The following C4orf50 variants were observed in gnomAD, a reference collection of about 807,000 sequenced individuals.
C4orf50 encodes the protein uncharacterized protein C4orf50.
C4orf50 carries 80 observed loss-of-function variants against 77.2 expected under a neutral mutation model. The observed-to-expected ratio is 1.04, with a 90% CI of 0.87 to 1.25. The LOEUF (loss-of-function observed/expected upper bound fraction) is 1.25. C4orf50 is among the 50% of genes most tolerant of loss of function. C4orf50 has a pLI of 0.00. For missense variants in C4orf50, 1,257 were observed against 1,152.9 expected (o/e 1.09, Z -1.31); for synonymous variants, 532 against 465.3 (o/e 1.14, Z -1.84).
At chr4:5,913,202 C>G (rs1255672804) in intron 7 of C4orf50, among the ~76,000 whole-genome samples, 1 of 152,206 alleles carries the variant, frequency 6.6e-6, no homozygotes, top group Non-Finnish European at 1.5e-5. Flanking sequence ...AGGATGACAA[C>G]GCCTACCTTA....
At chr4:6,016,853 G>T (rs11938196) in intron 23 of C4orf50, among the ~76,000 whole-genome samples, 1,878 of 152,244 alleles carry the variant, frequency 0.012, 47 homozygotes, top group African/African-American at 0.043. Flanking sequence ...ACGTTCAATG[G>T]TCTGCCTTTA....
chr4:5,987,538 T>G (rs1720943078), intron 28 of C4orf50, among the ~76,000 whole-genome samples: 1 of 146,268 alleles, frequency 6.8e-6, no homozygotes, highest in African/African-American at 2.5e-5. Flanking sequence ...GATAACATTG[T>G]TGGGGGTGGG....
In C4orf50 at chr4:5,973,641, C is replaced by G; in HGVS notation, c.4104+18G>C. 6.3e-7 allele frequency: 1 copy of G among 1,596,454 alleles called. No homozygotes were observed. The highest frequency in any genetic ancestry group is 8.6e-7 in the Non-Finnish European group (1 of 1,167,930). ...ACTCCCATAGGAAGCACAGACAGGG[C>G]CATCTCTGGGACTCTACCTCTGGGA... is the stretch of plus-strand genomic sequence containing the variant. On this transcript the variant is annotated intron_variant, in intron 31 of 33. Transcript: ENST00000531445.
Position 5,992,275 on chromosome 4 carries a change from G to A in C4orf50, c.1221+528C>T, listed in dbSNP as rs551966693. Among the ~76,000 whole-genome samples, 4 of 152,300 alleles carry A rather than the reference G, an allele frequency of 2.6e-5. No individual in the cohort carries two copies. The highest frequency in any genetic ancestry group is 7.2e-5 in the African/African-American group (3 of 41,564). On this transcript the variant is annotated intron_variant, in intron 27 of 33. Transcript: ENST00000531445. The surrounding 1 kb of genome is among the most constrained non-coding windows in gnomAD (Gnocchi z 5.0). ...ACCACACAACCACAGCCGGGCTCGC[G>A]GGTCCCAGCACAGCTCTGTTCCTCA... is the stretch of plus-strand genomic sequence containing the variant.
At chr4:5,945,265 A>C (rs1718434372) in intron 7 of C4orf50, among the ~76,000 whole-genome samples, 1 of 152,148 alleles carries the variant, frequency 6.6e-6, no homozygotes, top group Admixed American at 6.5e-5. Flanking sequence ...CACCGGCATG[A>C]CATCTTAATC....
At chr4:5,943,344 G>A (rs571132900) in intron 7 of C4orf50, among the ~76,000 whole-genome samples, 85 of 152,298 alleles carry the variant, frequency 5.6e-4, no homozygotes, top group African/African-American at 1.9e-3. Context: ...AGTTTTCCCA[G>A]GGGTTCACAT....
intron 25 of C4orf50, among the ~76,000 whole-genome samples, chr4:5,999,903 T>C (rs187267657): frequency 3.9e-4 from 60 of 152,254 alleles, no homozygotes; most frequent in African/African-American, 1.4e-3. Context: ...CAGGCAAGGC[T>C]TACAAGGCAG....
intron 7 of C4orf50, among the ~76,000 whole-genome samples, chr4:5,930,333 T>C (rs564847791): frequency 6.6e-6 from 1 of 152,318 alleles, no homozygotes; most frequent in African/African-American, 2.4e-5. Flanking sequence ...CAGGTGCTAT[T>C]TGGTCAGCTC....
intron 29 of C4orf50, among the ~76,000 whole-genome samples, chr4:5,979,488 T>C (rs1028234974): frequency 5.9e-5 from 9 of 152,210 alleles, no homozygotes; most frequent in African/African-American, 1.9e-4. Context: ...ACACACACAT[T>C]CAGAAAGTGG....
chr4:5,948,571 C>T (rs140771621), intron 7 of C4orf50, among the ~76,000 whole-genome samples: 2,656 of 152,128 alleles, frequency 0.017, 74 homozygotes, highest in African/African-American at 0.061. Flanking sequence ...CCGAGGCAGG[C>T]GGATCACGAG....
intron 7 of C4orf50, among the ~76,000 whole-genome samples, chr4:5,949,027 A>C (rs953958399): frequency 5.9e-5 from 9 of 151,950 alleles, no homozygotes; most frequent in African/African-American, 2.2e-4. Flanking sequence ...GAAGAACTTA[A>C]CACCACCTTT....
chr4:5,934,952 A>C (rs1717942674), intron 7 of C4orf50, among the ~76,000 whole-genome samples: 1 of 152,204 alleles, frequency 6.6e-6, no homozygotes, highest in African/African-American at 2.4e-5. Flanking sequence ...GACCCCAAGC[A>C]AGTTACTTAG....
chr4:5,910,889 G>GAT (rs1716773333), intron 7 of C4orf50, among the ~76,000 whole-genome samples: 1 of 149,606 alleles, frequency 6.7e-6, no homozygotes, highest in African/African-American at 2.5e-5. Flanking sequence ...AGAGCCAATG[G>GAT]GTTTCTTCCC....
At chr4:5,959,303 A>G (rs1719136272) in exon 34 of C4orf50, 1 of 1,510,744 alleles carries the variant, frequency 6.6e-7, no homozygotes, top group African/African-American at 1.4e-5. Context: ...AATTTCTTAA[A>G]GCACTCTCTG....
chr4:5,980,323 CCT>C lies in C4orf50; in HGVS notation c.3713_3714del (p.Glu1238GlyfsTer5). On this transcript the variant is annotated frameshift_variant, in exon 29 of 34. Transcript: ENST00000531445. LOFTEE classifies it high-confidence loss of function. The stretch of plus-strand genomic sequence containing the variant: ...CTGGGATCCTCCTCAGTAACCTCGG[CCT>C]CTGAGTCCCGGAGCTGCGGAAATCA... The C allele has an allele frequency of 6.2e-7, 1 of 1,610,606 alleles. No homozygotes were observed.
chr4:5,921,187 C>T (rs918850021), intron 7 of C4orf50, among the ~76,000 whole-genome samples: 11 of 152,308 alleles, frequency 7.2e-5, no homozygotes, highest in Middle Eastern at 3.4e-3. Flanking sequence ...GACAGGTGTC[C>T]GGCGGGGATG....
exon 29 of C4orf50, chr4:5,980,329 A>T: frequency 6.2e-7 from 1 of 1,610,386 alleles, no homozygotes; most frequent in Non-Finnish European, 8.5e-7. Flanking sequence ...TCGGCCTCTG[A>T]GTCCCGGAGC....
rs985703402 is a variant in C4orf50 at position 6,018,480 on chromosome 4, T to C, written c.-49A>G. On this transcript the variant is annotated 5_prime_UTR_variant, in exon 23 of 34. Transcript: ENST00000531445. The surrounding 1 kb of genome is among the most constrained non-coding windows in gnomAD (Gnocchi z 5.1). Reference sequence around the variant, plus strand: ...GACTTAATAATAAAATTAAGTGAGTTTGCAACATTGACTTCCCGGAGATTT... The same window carrying C: ...GACTTAATAATAAAATTAAGTGAGTCTGCAACATTGACTTCCCGGAGATTT... 5.0e-6 allele frequency: 2 copies of C among 398,652 alleles called. No individual in the cohort carries two copies. Among genetic ancestry groups the C allele is most frequent in the Admixed American group, 4.4e-5 (1 of 22,706 alleles). The allele number at this position is 398,652 out of a possible 1,614,324, so 24.7% of individuals were successfully genotyped here. A position where few individuals can be genotyped will look rare whatever the true frequency, so the allele number is the denominator to read the frequency against.
At position 5,969,907 on chromosome 4, in the gene C4orf50, A is replaced by T. The variant is rs4585245; in HGVS notation, c.4105-2445T>A. The stretch of plus-strand genomic sequence containing the variant: ...TCTCTGTTCTCTGACGGGACCTTCC[A>T]TCTGTGGAGTGGACCCCAGGCCAGA... On this transcript the variant is annotated intron_variant, in intron 31 of 33. Transcript: ENST00000531445. Among the ~76,000 whole-genome samples the T allele has an allele frequency of 2.8e-3, 426 of 151,876 alleles. 3 individuals carry two copies. The highest frequency in any genetic ancestry group is 0.01 in the Middle Eastern group (3 of 294).
Sources: gnomAD v4.1 joint callset for allele counts (sites outside exome capture counted in the v4.1 genomes callset) on GRCh38, gnomAD v4.1.1 for gene constraint, Gnocchi (gnomAD v3.1) non-coding constraint, MANE v1.5 for transcripts, NCBI Gene and HGNC (gene_info 2026-07-23, HGNC 2026-07-21) for gene names.